ATP11B: variants seen among roughly 807,000 people sequenced by gnomAD.
ATP11B encodes the protein ATPase phospholipid transporting 11B (putative), also known as phospholipid-transporting ATPase IF.
A neutral mutation model predicts 157.8 loss-of-function variants in ATP11B; 81 were observed. The observed-to-expected ratio is 0.51, with a 90% CI of 0.43 to 0.62. ATP11B has a LOEUF of 0.62. ATP11B is among the 20% of genes least tolerant of loss of function. The pLI is 0.00. For synonymous variants in ATP11B, 451 were observed against 469.4 expected (o/e 0.96, Z 0.51); for missense variants, 1,165 against 1,402.2 (o/e 0.83, Z 2.70).
intron 29 of ATP11B, chr3:182,915,854 TG>T (rs1725106825): frequency 2.3e-5 from 22 of 969,852 alleles, no homozygotes; most frequent in Non-Finnish European, 2.6e-5. Flanking sequence ...TGCGCCATAT[TG>T]TTTTTTTCTG....
At chr3:182,907,052 C>T (rs1367506231) in intron 28 of ATP11B, among the ~76,000 whole-genome samples, 2 of 150,482 alleles carry the variant, frequency 1.3e-5, no homozygotes, top group Middle Eastern at 3.2e-3. Context: ...GAGATGGCAC[C>T]ACTGCACTCC....
intron 1 of ATP11B, among the ~76,000 whole-genome samples, chr3:182,797,714 GAAA>G (rs1312718192): frequency 1.1e-4 from 12 of 105,870 alleles, no homozygotes; most frequent in African/African-American, 6.3e-4. Flanking sequence ...TCTCAAAAAA[GAAA>G]AAAGAAAAAA....
At chr3:182,892,913 G>A (rs1028388166) in intron 25 of ATP11B, among the ~76,000 whole-genome samples, 7 of 152,154 alleles carry the variant, frequency 4.6e-5, no homozygotes. Context: ...TTGCCAGAGA[G>A]CAAAAATAAT....
chr3:182,794,438 A>G (rs1309761771), intron 1 of ATP11B, among the ~76,000 whole-genome samples: 3 of 152,202 alleles, frequency 2.0e-5, no homozygotes, highest in Non-Finnish European at 4.4e-5. Context: ...TACGAACGAT[A>G]CGTACTGTCG....
chr3:182,821,403 G>A (rs915004985), intron 2 of ATP11B, among the ~76,000 whole-genome samples: 2 of 152,114 alleles, frequency 1.3e-5, no homozygotes, highest in Non-Finnish European at 2.9e-5. Flanking sequence ...CACTGCACCC[G>A]GCCATAGATT....
intron 17 of ATP11B, among the ~76,000 whole-genome samples, chr3:182,869,968 T>G (rs1272166254): frequency 6.6e-6 from 1 of 152,198 alleles, no homozygotes; most frequent in Non-Finnish European, 1.5e-5. Flanking sequence ...TGGACGAATC[T>G]TGAAAAGAGT....
chr3:182,850,562 A>AAAAT (rs566298214), intron 10 of ATP11B, among the ~76,000 whole-genome samples: 37 of 152,268 alleles, frequency 2.4e-4, no homozygotes, highest in African/African-American at 7.9e-4. Context: ...AAAAAGACAA[A>AAAAT]AAATAAATAA....
chr3:182,866,220 T>C, intron 13 of ATP11B, 48 bp from the exon 14 acceptor site: 2 of 1,390,032 alleles, frequency 1.4e-6, no homozygotes. Context: ...TCCTAAATGG[T>C]ATGTGGAAAT....
At chr3:182,887,842 T>A in intron 24 of ATP11B, 129 bp downstream of exon 24, 2 of 986,698 alleles carry the variant, frequency 2.0e-6, no homozygotes, top group Non-Finnish European at 2.9e-6. Flanking sequence ...TTTACAGTTG[T>A]TGAATATCAG....
intron 28 of ATP11B, 62 bp downstream of exon 28, chr3:182,898,834 C>A: frequency 9.1e-7 from 1 of 1,103,312 alleles, no homozygotes; most frequent in Non-Finnish European, 1.2e-6. Flanking sequence ...TAATGAATAG[C>A]TGTCATTATA....
At chr3:182,842,764 G>A (rs956326872) in intron 8 of ATP11B, among the ~76,000 whole-genome samples, 5 of 152,112 alleles carry the variant, frequency 3.3e-5, no homozygotes, top group African/African-American at 1.2e-4. Context: ...CAGGGACCAC[G>A]GATGAAAACT....
At chr3:182,845,418 A>G in intron 8 of ATP11B, 40 bp from the exon 9 acceptor site, 1 of 1,525,438 alleles carries the variant, frequency 6.6e-7, no homozygotes, top group Non-Finnish European at 8.9e-7. Context: ...AGAGTTTTTA[A>G]TATATTCAGT....
At chr3:182,887,211 T>C (rs1722856434) in intron 23 of ATP11B, among the ~76,000 whole-genome samples, 1 of 152,094 alleles carries the variant, frequency 6.6e-6, no homozygotes, top group East Asian at 1.9e-4. Flanking sequence ...GACAAAGCCA[T>C]GAAAGGTAAA....
chr3:182,840,931 A>G (rs922203161), intron 7 of ATP11B, among the ~76,000 whole-genome samples: 1 of 152,102 alleles, frequency 6.6e-6, no homozygotes, highest in Non-Finnish European at 1.5e-5. Flanking sequence ...GTGGCTCACC[A>G]TGTCACTCAG....
intron 28 of ATP11B, among the ~76,000 whole-genome samples, chr3:182,907,970 C>A (rs141898998): frequency 0.011 from 1,624 of 152,170 alleles, 13 homozygotes; most frequent in Non-Finnish European, 0.016. Flanking sequence ...CTCTTACAGC[C>A]TGTGACATTA....
At chr3:182,830,752 G>GA (rs2108506289) in intron 4 of ATP11B, among the ~76,000 whole-genome samples, 1 of 152,302 alleles carries the variant, frequency 6.6e-6, no homozygotes, top group Admixed American at 6.5e-5. Context: ...GGAGCCTATA[G>GA]ATTAACAATT....
At chr3:182,910,146 A>AAAC (rs1257921477) in intron 28 of ATP11B, among the ~76,000 whole-genome samples, 2 of 151,908 alleles carry the variant, frequency 1.3e-5, no homozygotes, top group Non-Finnish European at 2.9e-5. Context: ...ATATACATAC[A>AAAC]AACTATATAT....
chr3:182,843,059 G>A (rs1338407706), intron 8 of ATP11B, among the ~76,000 whole-genome samples: 1 of 152,216 alleles, frequency 6.6e-6, no homozygotes. Flanking sequence ...AAGAGACAAT[G>A]TAATCTCTTG....
In ATP11B at chr3:182,873,729, A is replaced by G. The variant is rs947999975; in HGVS notation, c.2049-83A>G. Reference sequence around the variant, plus strand: ...AGGTCAAGTCAAAGAGTTTAGAATTATCCTTAAATATACTATGTAGTTTAA... The same window carrying G: ...AGGTCAAGTCAAAGAGTTTAGAATTGTCCTTAAATATACTATGTAGTTTAA... On this transcript the variant is annotated intron_variant, in intron 18 of 29. Coordinates refer to ENST00000323116, the MANE Select transcript of ATP11B (RefSeq NM_014616.3). The G allele has an allele frequency of 1.1e-5, 12 of 1,133,858 alleles. No homozygotes were observed. In the Admixed American group the frequency reaches 1.8e-4, roughly 17 times the overall value. The allele number at this position is 1,133,858 out of a possible 1,614,324, so 70.2% of individuals were successfully genotyped here.
Sources: allele counts gnomAD v4.1 joint callset (sites outside exome capture counted in the v4.1 genomes callset), GRCh38; gene constraint gnomAD v4.1.1; transcripts MANE v1.5; gene names NCBI Gene and HGNC (gene_info 2026-07-23, HGNC 2026-07-21).